Variants in GNAO1 observed in about 807,000 individuals in gnomAD.
The protein encoded by GNAO1 is G protein subunit alpha o1, also known as guanine nucleotide-binding protein G(o) subunit alpha.
For synonymous variants in GNAO1, 164 were observed against 180.7 expected, an observed-to-expected ratio of 0.91 and a Z score of 0.74; for missense variants, 166 against 478.7, an observed-to-expected ratio of 0.35 and a Z score of 6.10.
chr16:56,348,540 G>A (rs2037894013), intron 6 of GNAO1, among the ~76,000 whole-genome samples: 1 of 152,240 alleles, frequency 6.6e-6, no homozygotes, highest in African/African-American at 2.4e-5. Context: ...GCCTGGGGCA[G>A]GTGGAGGTCT....
At position 56,192,067 on chromosome 16, in the gene GNAO1, C is replaced by T; in HGVS notation, c.-169C>T. 1 of 592,394 alleles carries T rather than the reference C, an allele frequency of 1.7e-6. No homozygotes were observed. Among genetic ancestry groups the T allele is most frequent in the South Asian group, 2.0e-5 (1 of 49,240 alleles). 36.7% of individuals were successfully genotyped at this position (592,394 alleles called of 1,614,324 possible). ...CTGCTGGAATCTTGTTAGCGGCTGT[C>T]TTTTTGGAGGGTTCTGGTTTCCCGA... On this transcript the variant is annotated 5_prime_UTR_variant, in exon 1 of 9. Coordinates refer to ENST00000262493, the MANE Select transcript of GNAO1 (RefSeq NM_020988.3).
intron 2 of GNAO1, chr16:56,194,157 C>T (rs2036208806): frequency 4.4e-6 from 2 of 456,402 alleles, no homozygotes; most frequent in African/African-American, 4.0e-5. Flanking sequence ...TATTTTTATT[C>T]GAGAGCTCCC....
intron 2 of GNAO1, among the ~76,000 whole-genome samples, chr16:56,218,545 G>A (rs1404009122): frequency 6.6e-6 from 1 of 152,144 alleles, no homozygotes; most frequent in Admixed American, 6.5e-5. Context: ...TGGGCCACCA[G>A]CACTTGAGCA....
chr16:56,341,115 C>T (rs372236827), intron 6 of GNAO1: 6 of 740,494 alleles, frequency 8.1e-6, no homozygotes, highest in African/African-American at 7.0e-5. Flanking sequence ...AACGGTCCCC[C>T]ACCCTGCCCC....
chr16:56,256,062 ATCT>A (rs2036843456), intron 2 of GNAO1, among the ~76,000 whole-genome samples: 1 of 152,132 alleles, frequency 6.6e-6, no homozygotes, highest in African/African-American at 2.4e-5. Flanking sequence ...GTTCTGACAG[ATCT>A]TCTTCTGCCA....
chr16:56,221,786 G>T (rs1198885084), intron 2 of GNAO1, among the ~76,000 whole-genome samples: 1 of 151,974 alleles, frequency 6.6e-6, no homozygotes, highest in East Asian at 1.9e-4. Context: ...GCATGGGTAT[G>T]ATTTTTCTGG....
At chr16:56,219,774 A>G (rs985817081) in intron 2 of GNAO1, among the ~76,000 whole-genome samples, 1 of 152,130 alleles carries the variant, frequency 6.6e-6, no homozygotes, top group African/African-American at 2.4e-5. Context: ...AGAAGCCTGA[A>G]ACCCCCGGCC....
At chr16:56,286,995 G>A (rs1206365906) in intron 3 of GNAO1, among the ~76,000 whole-genome samples, 2 of 152,198 alleles carry the variant, frequency 1.3e-5, no homozygotes, top group African/African-American at 4.8e-5. Context: ...GTGGAGGGCC[G>A]GCCAGGCTGA....
intron 2 of GNAO1, among the ~76,000 whole-genome samples, chr16:56,217,403 T>C (rs1314397677): frequency 6.6e-6 from 1 of 152,238 alleles, no homozygotes; most frequent in Non-Finnish European, 1.5e-5. Context: ...AGGATGCTGG[T>C]TATACGGGCT....
chr16:56,229,092 G>A (rs545705484), intron 2 of GNAO1, among the ~76,000 whole-genome samples: 4 of 152,284 alleles, frequency 2.6e-5, no homozygotes, highest in Admixed American at 1.3e-4. Flanking sequence ...TTGTAATGGA[G>A]GAGAAATGAA....
chr16:56,334,592 GA>G, intron 4 of GNAO1, 136 bp from the exon 5 acceptor site: 1 of 887,472 alleles, frequency 1.1e-6, no homozygotes, highest in South Asian at 1.7e-5. Context: ...CTATGGCCTG[GA>G]ATGGAGGTGA....
In GNAO1 at chr16:56,200,800, C is replaced by G. The variant is rs575449879; in HGVS notation, c.161+8184C>G. On this transcript the variant is annotated intron_variant, in intron 2 of 8. Transcript: ENST00000262493. ...TTCTGGAGGTGGTAGTAATGGTCATCATATATCACATTGATTTGGATACCA... is the reference window on the plus strand; with the variant it reads ...TTCTGGAGGTGGTAGTAATGGTCATGATATATCACATTGATTTGGATACCA... Among the ~76,000 whole-genome samples, 4 of 152,256 alleles carry G rather than the reference C, an allele frequency of 2.6e-5. No individual in the cohort carries two copies. The East Asian group carries it at 7.7e-4, about 29-fold the overall frequency.
chr16:56,208,948 A>G (rs772523477), intron 2 of GNAO1, among the ~76,000 whole-genome samples: 12 of 151,920 alleles, frequency 7.9e-5, no homozygotes, highest in Non-Finnish European at 1.5e-4. Context: ...CACTTTGTTA[A>G]TGGTGTTTTA....
At chr16:56,300,853 A>T (rs2037337474) in intron 3 of GNAO1, 1 of 152,242 alleles carries the variant, frequency 6.6e-6, no homozygotes, top group Non-Finnish European at 1.5e-5. Flanking sequence ...CAGGGCTGCC[A>T]GTTGAACCAC....
rs565788799 is a variant in GNAO1, at chr16:56,251,199, G to T, written c.162-24732G>T. Among the ~76,000 whole-genome samples the T allele has an allele frequency of 2.0e-3, 302 of 152,298 alleles. 1 individual carries two copies. The highest frequency in any genetic ancestry group is 3.4e-3 in the Middle Eastern group (1 of 294). The stretch of plus-strand genomic sequence containing the variant: ...CTATTTATAGATGAGGAGACTGAGG[G>T]TTAGAGAAATTCAGTTATTTGTCCA... On this transcript the variant is annotated intron_variant, in intron 2 of 8. Coordinates refer to ENST00000262493, the MANE Select transcript of GNAO1 (RefSeq NM_020988.3).
At chr16:56,276,639 C>T (rs2037063807) in intron 3 of GNAO1, 1 of 152,882 alleles carries the variant, frequency 6.5e-6, no homozygotes, top group African/African-American at 2.4e-5. Flanking sequence ...TTCCAGTCTT[C>T]TATTAAGTGG....
chr16:56,334,671 A>G, intron 4 of GNAO1, 58 bp from the exon 5 acceptor site: 1 of 1,587,662 alleles, frequency 6.3e-7, no homozygotes, highest in Non-Finnish European at 8.6e-7. Context: ...TGGCCTGGCC[A>G]GTCCCGAACA....
intron 2 of GNAO1, among the ~76,000 whole-genome samples, chr16:56,229,119 G>C (rs1015377508): frequency 6.6e-6 from 1 of 152,266 alleles, no homozygotes; most frequent in South Asian, 2.1e-4. Flanking sequence ...TTTAATGCTT[G>C]AAAGGAGGAT....
intron 2 of GNAO1, among the ~76,000 whole-genome samples, chr16:56,222,497 C>T (rs1318884540): frequency 2.0e-5 from 3 of 152,114 alleles, no homozygotes; most frequent in East Asian, 1.9e-4. Flanking sequence ...AGAATGCCTC[C>T]CCACTCCCCA....
Sources: gnomAD v4.1 joint callset for allele counts (sites outside exome capture counted in the v4.1 genomes callset) on GRCh38, gnomAD v4.1.1 for gene constraint, MANE v1.5 for transcripts, NCBI Gene and HGNC (gene_info 2026-07-23, HGNC 2026-07-21) for gene names.